Variants in FBXO33 observed in about 807,000 individuals in gnomAD.
The protein encoded by FBXO33 is F-box protein 33.
Under a neutral mutation model 46.3 loss-of-function variants are expected in FBXO33, and 22 were observed. The ratio of observed to expected loss-of-function variants is 0.48; its 90% confidence interval spans 0.34 to 0.68. FBXO33 has a LOEUF of 0.68. Ranked by LOEUF, FBXO33 falls within the 30% of genes least tolerant of loss-of-function variation. The pLI is 0.01. For synonymous variants in FBXO33, 337 were observed against 291.3 expected (o/e 1.16, Z -1.60); for missense variants, 692 against 708.8 (o/e 0.98, Z 0.27).
intron 1 of FBXO33, among the ~76,000 whole-genome samples, chr14:39,429,773 G>C (rs1269467823): frequency 6.6e-6 from 1 of 152,180 alleles, no homozygotes; most frequent in Non-Finnish European, 1.5e-5. Context: ...AGTGATAGCT[G>C]ACCCAGAAGG....
In FBXO33 at chr14:39,431,836, G is replaced by A; in HGVS notation, c.327C>T (p.Pro109=). ...RECLFYPALW[P]QLRICLRVSP... Reference sequence around the variant, plus strand: ...AGACGCGGAGGCAGATGCGGAGCTGGGGCCACAGGGCCGGATAGAAGAGGC... The same window carrying A: ...AGACGCGGAGGCAGATGCGGAGCTGAGGCCACAGGGCCGGATAGAAGAGGC... The change falls in exon 1 of 4, where the codon CCC becomes CCT. Residue 109 remains proline (P), a synonymous_variant. Coordinates refer to ENST00000298097, the MANE Select transcript of FBXO33 (RefSeq NM_203301.4). The A allele has an allele frequency of 1.2e-6, 2 of 1,604,326 alleles. No homozygotes were observed. The highest frequency in any genetic ancestry group is 2.2e-5 in the South Asian group (2 of 90,508).
intron 1 of FBXO33, among the ~76,000 whole-genome samples, chr14:39,421,077 G>C (rs996483184): frequency 6.6e-6 from 1 of 152,172 alleles, no homozygotes; most frequent in African/African-American, 2.4e-5. Context: ...GACTCCTGTG[G>C]TCTATGTGTA....
rs182524844 is a variant in FBXO33, at chr14:39,415,735, C to T, written c.600-13224G>A. On this transcript the variant is annotated intron_variant, in intron 1 of 3. Coordinates refer to ENST00000298097, the MANE Select transcript of FBXO33 (RefSeq NM_203301.4). ...AGGCTGGAGTGCAGTGGTGTGATCT[C>T]GGCTCACTGCAACCTCTGCCTCCTA... Among the ~76,000 whole-genome samples the T allele has an allele frequency of 1.2e-3, 183 of 151,704 alleles. 4 individuals carry two copies. Among genetic ancestry groups the T allele is most frequent in the South Asian group, 0.011 (54 of 4,804 alleles).
chr14:39,400,820 CAT>C (rs1294375930), intron 3 of FBXO33, among the ~76,000 whole-genome samples: 3 of 152,166 alleles, frequency 2.0e-5, no homozygotes, highest in African/African-American at 7.2e-5. Flanking sequence ...TGAAAGAAAT[CAT>C]ACATTCTCTT....
Position 39,399,165 on chromosome 14 carries a change from T to C in FBXO33, c.*351A>G, listed in dbSNP as rs2075357182. 1.2e-5 allele frequency: 2 copies of C among 165,630 alleles called. No individual in the cohort carries two copies. Among genetic ancestry groups the C allele is most frequent in the Non-Finnish European group, 2.6e-5 (2 of 76,894 alleles). The allele number at this position is 165,630 out of a possible 1,614,324, so 10.3% of individuals were successfully genotyped here. A position where few individuals can be genotyped will look rare whatever the true frequency, so the allele number is the denominator to read the frequency against. Reference sequence around the variant, plus strand: ...ATATCTATATATGTATAAAAATATTTTGGCTCCTGAGCTCTGAACTCTGAC... The same window carrying C: ...ATATCTATATATGTATAAAAATATTCTGGCTCCTGAGCTCTGAACTCTGAC... On this transcript the variant is annotated 3_prime_UTR_variant, in exon 4 of 4. Transcript: ENST00000298097.
At position 39,398,762 on chromosome 14, in the gene FBXO33, A is replaced by T. The variant is rs2075355381; in HGVS notation, c.*754T>A. On this transcript the variant is annotated 3_prime_UTR_variant, in exon 4 of 4. Transcript: ENST00000298097. Reference sequence around the variant, plus strand: ...ACTCTGTGTTTTTATTTCCTTTAGGAGATTTTACTCTGAAATACAGTTTCT... The same window carrying T: ...ACTCTGTGTTTTTATTTCCTTTAGGTGATTTTACTCTGAAATACAGTTTCT... 6.6e-6 allele frequency: 1 copy of T among 152,594 alleles called. No homozygotes were observed. The highest frequency in any genetic ancestry group is 2.4e-5 in the African/African-American group (1 of 41,440). 9.5% of individuals were successfully genotyped at this position (152,594 alleles called of 1,614,324 possible). A position where few individuals can be genotyped will look rare whatever the true frequency, so the allele number is the denominator to read the frequency against.
intron 1 of FBXO33, among the ~76,000 whole-genome samples, chr14:39,416,033 A>G (rs972712486): frequency 6.6e-6 from 1 of 152,176 alleles, no homozygotes. Flanking sequence ...GTACAATACA[A>G]TATTATTCTC....
chr14:39,401,710 T>C lies in FBXO33; in HGVS notation c.862A>G (p.Asn288Asp). The C allele has an allele frequency of 6.2e-7, 1 of 1,614,238 alleles. No homozygotes were observed. Among genetic ancestry groups the C allele is most frequent in the Non-Finnish European group, 8.5e-7 (1 of 1,180,034 alleles). The change falls in exon 3 of 4, where the codon AAT becomes GAT. Residue 288 changes from asparagine (N) to aspartate (D), a missense_variant. Transcript: ENST00000298097. ...AGAGTGCTGTTACCAGGAATATTAT[T>C]GTCCAGTAAACTGAGGTGCTCCATG... Reference protein sequence around the residue: ...NTMEHLSLLDNNIPGNSTLIT... With the variant: ...NTMEHLSLLDDNIPGNSTLIT...
chr14:39,410,379 T>C (rs1460759727), intron 1 of FBXO33, among the ~76,000 whole-genome samples: 1 of 152,244 alleles, frequency 6.6e-6, no homozygotes, highest in African/African-American at 2.4e-5. Flanking sequence ...ACCCCAGGGA[T>C]AAATCCCATT....
At chr14:39,425,354 A>G (rs2075507427) in intron 1 of FBXO33, among the ~76,000 whole-genome samples, 1 of 152,180 alleles carries the variant, frequency 6.6e-6, no homozygotes, top group South Asian at 2.1e-4. Context: ...CACAGGAACA[A>G]TAGAAAAATG....
intron 1 of FBXO33, among the ~76,000 whole-genome samples, chr14:39,415,663 G>A (rs1322117333): frequency 6.6e-6 from 1 of 152,032 alleles, no homozygotes; most frequent in Non-Finnish European, 1.5e-5. Flanking sequence ...TATTCTTCAT[G>A]CTGTTGGCTT....
intron 1 of FBXO33, among the ~76,000 whole-genome samples, chr14:39,412,124 T>A (rs2075426184): frequency 6.6e-6 from 1 of 152,220 alleles, no homozygotes; most frequent in Admixed American, 6.5e-5. Context: ...TGATTTTCTG[T>A]CCAGATGATT....
intron 1 of FBXO33, among the ~76,000 whole-genome samples, chr14:39,425,346 C>T (rs2075507378): frequency 6.6e-6 from 1 of 152,010 alleles, no homozygotes; most frequent in South Asian, 2.1e-4. Flanking sequence ...ATTTAATACA[C>T]AGGAACAATA....
At chr14:39,407,330 A>G (rs767875267) in intron 1 of FBXO33, among the ~76,000 whole-genome samples, 9 of 152,198 alleles carry the variant, frequency 5.9e-5, no homozygotes, top group Non-Finnish European at 1.0e-4. Context: ...TAACATGTCA[A>G]TTCTCCCCAA....
At chr14:39,402,143 C>T (rs1029249259) in intron 2 of FBXO33, among the ~76,000 whole-genome samples, 1 of 152,040 alleles carries the variant, frequency 6.6e-6, no homozygotes. Context: ...GGATAACATA[C>T]AATTTATGTT....
intron 1 of FBXO33, among the ~76,000 whole-genome samples, chr14:39,421,720 AAAGT>A (rs1375526208): frequency 6.6e-6 from 1 of 152,146 alleles, no homozygotes; most frequent in Non-Finnish European, 1.5e-5. Flanking sequence ...GTTAAACAAC[AAAGT>A]AAGTTATGTT....
chr14:39,431,731 G>C lies in FBXO33; in HGVS notation c.432C>G (p.Ala144=). Residue 144 remains alanine, a synonymous_variant, in exon 1 of 4, where the codon GCC becomes GCG. Transcript: ENST00000298097. ...CACCGCCGCTCAGATAGTTCTCGGC[G>C]GCGAATTCAACACGCAGCTCTCGCA... The part of the protein sequence containing the change: ...WFVRELRVEF[A]AENYLSGGGP... The C allele has an allele frequency of 6.2e-7, 1 of 1,613,244 alleles. No homozygotes were observed. Among genetic ancestry groups the C allele is most frequent in the Non-Finnish European group, 8.5e-7 (1 of 1,179,984 alleles).
chr14:39,398,717 T>C lies in FBXO33; in HGVS notation c.*799A>G, dbSNP rs754874812. ...CTAGGGATTTCACGACTAATGTTTT[T>C]GCAAGCATGTGTATTTACAACTCTG... On this transcript the variant is annotated 3_prime_UTR_variant, in exon 4 of 4. Transcript: ENST00000298097. 3.3e-5 allele frequency: 5 copies of C among 152,696 alleles called. No homozygotes were observed. The highest frequency in any genetic ancestry group is 5.9e-5 in the Non-Finnish European group (4 of 68,048). The allele number at this position is 152,696 out of a possible 1,614,324, so 9.5% of individuals were successfully genotyped here. A position where few individuals can be genotyped will look rare whatever the true frequency, so the allele number is the denominator to read the frequency against.
chr14:39,425,994 A>G (rs2075511363), intron 1 of FBXO33, among the ~76,000 whole-genome samples: 1 of 152,196 alleles, frequency 6.6e-6, no homozygotes, highest in Admixed American at 6.5e-5. Context: ...CAGAACTTAC[A>G]ATTCCATCTA....
Sources: gnomAD v4.1 joint callset for allele counts (sites outside exome capture counted in the v4.1 genomes callset) on GRCh38, gnomAD v4.1.1 for gene constraint, MANE v1.5 for transcripts, NCBI Gene and HGNC (gene_info 2026-07-23, HGNC 2026-07-21) for gene names.